The following KLHL13 variants were observed in gnomAD, a reference collection of about 807,000 sequenced individuals.
KLHL13 encodes the protein kelch like family member 13.
A neutral mutation model predicts 37.1 loss-of-function variants in KLHL13; 10 were observed. The observed-to-expected ratio is 0.27, with a 90% CI of 0.17 to 0.46. The LOEUF is 0.46. KLHL13 is among the 20% of genes least tolerant of loss of function. The pLI is 1.00. For missense variants in KLHL13, 360 were observed against 509.3 expected (o/e 0.71, Z 2.82); for synonymous variants, 163 against 181.2 (o/e 0.90, Z 0.81).
chrX:118,116,064 G>A lies in KLHL13; in HGVS notation c.-56+444C>T, dbSNP rs73637170. 8.0e-3 allele frequency among the ~76,000 whole-genome samples: 900 copies of A among 112,176 alleles called. 12 individuals carry two copies. Among genetic ancestry groups the A allele is most frequent in the African/African-American group, 0.028 (859 of 30,900 alleles). ...TCCTGACTTGGGAGCCAGCAGAGGA[G>A]CCTCCTAAGTTAGAAGATTCTGAAG... On this transcript the variant is annotated intron_variant, in intron 1 of 6. Transcript: ENST00000371882.
intron 2 of KLHL13, among the ~76,000 whole-genome samples, chrX:117,927,704 T>A (rs1450094108): frequency 8.9e-6 from 1 of 112,179 alleles, no homozygotes; most frequent in East Asian, 2.8e-4. Flanking sequence ...TAAAATATTA[T>A]ACTAAGTAAA....
chrX:118,115,395 G>A lies in KLHL13; in HGVS notation c.-56+1113C>T, dbSNP rs570740882. Among the ~76,000 whole-genome samples, 20 of 112,803 alleles carry A rather than the reference G, an allele frequency of 1.8e-4. No individual in the cohort carries two copies. The South Asian group carries it at 7.3e-3, about 41-fold the overall frequency. The stretch of plus-strand genomic sequence containing the variant: ...TGGGGAGAAAGCGATATCGCTAAGA[G>A]TGAGTAGTCTTTTTTGTAACTACGT... On this transcript the variant is annotated intron_variant, in intron 1 of 6. Transcript: ENST00000371882.
intron 4 of KLHL13, among the ~76,000 whole-genome samples, chrX:117,915,193 A>T (rs1329458644): frequency 2.7e-5 from 3 of 112,355 alleles, no homozygotes; most frequent in Non-Finnish European, 5.6e-5. Context: ...GTTAATCTTT[A>T]CGGGTAAATA....
chrX:118,061,154 T>A (rs2054736877), intron 1 of KLHL13, among the ~76,000 whole-genome samples: 2 of 111,921 alleles, frequency 1.8e-5, no homozygotes, highest in African/African-American at 3.2e-5. Flanking sequence ...TAAGTGTTTT[T>A]AAATCATAAA....
At chrX:118,091,118 G>A (rs1480213203) in intron 1 of KLHL13, among the ~76,000 whole-genome samples, 1 of 81,287 alleles carries the variant, frequency 1.2e-5, no homozygotes, top group Non-Finnish European at 2.3e-5. Context: ...TCACACTATG[G>A]GGCCTGTTGT....
chrX:118,001,077 A>G (rs192388372), intron 1 of KLHL13, among the ~76,000 whole-genome samples: 1 of 112,145 alleles, frequency 8.9e-6, no homozygotes, highest in Non-Finnish European at 1.9e-5. Context: ...GGTCCTTTGT[A>G]ATCAATAAAG....
At chrX:118,098,626 G>A (rs754443814) in intron 1 of KLHL13, among the ~76,000 whole-genome samples, 45 of 107,676 alleles carry the variant, frequency 4.2e-4, no homozygotes, top group South Asian at 1.3e-3. Flanking sequence ...ACATGCACAC[G>A]TATGTTTATA....
At chrX:117,972,781 T>C (rs1302387260) in exon 1 of KLHL13, 9 of 1,210,294 alleles carry the variant, frequency 7.4e-6, no homozygotes, top group Non-Finnish European at 8.9e-6. Context: ...GCACAGGAAC[T>C]GGGAATTTCC....
chrX:118,054,017 AG>A (rs1452423365), intron 1 of KLHL13, among the ~76,000 whole-genome samples: 2 of 111,390 alleles, frequency 1.8e-5, no homozygotes, highest in Non-Finnish European at 3.8e-5. Context: ...AGGAGAAAGA[AG>A]AAAAACGCTT....
chrX:118,037,688 T>C (rs2054465190), intron 1 of KLHL13, among the ~76,000 whole-genome samples: 1 of 111,350 alleles, frequency 9.0e-6, no homozygotes, highest in African/African-American at 3.3e-5. Context: ...GGCACATGTA[T>C]ACATATGTAA....
At position 118,027,656 on chromosome X, in the gene KLHL13, C is replaced by T. The variant is rs77063842; in HGVS notation, c.-55-82081G>A. Among the ~76,000 whole-genome samples the T allele has an allele frequency of 6.9e-3, 767 of 110,374 alleles. 12 individuals are homozygous for T. The highest frequency in any genetic ancestry group is 0.024 in the African/African-American group (725 of 30,327). Reference sequence around the variant, plus strand: ...TTCTCTCTCTCCACACATACACACACACACACACACACACACTTTCATACA... The same window carrying T: ...TTCTCTCTCTCCACACATACACACATACACACACACACACACTTTCATACA... On this transcript the variant is annotated intron_variant, in intron 1 of 6. Transcript: ENST00000371882.
At chrX:118,112,442 T>G (rs983255096) in intron 1 of KLHL13, among the ~76,000 whole-genome samples, 37 of 110,689 alleles carry the variant, frequency 3.3e-4, no homozygotes, top group African/African-American at 1.2e-3. Context: ...GGAGATCTAG[T>G]TCAATGGGGA....
intron 5 of KLHL13, among the ~76,000 whole-genome samples, chrX:117,906,954 T>G (rs1257939607): frequency 8.9e-6 from 1 of 111,747 alleles, no homozygotes; most frequent in African/African-American, 3.2e-5. Context: ...AATGGACCTA[T>G]ATTTACCATT....
intron 1 of KLHL13, among the ~76,000 whole-genome samples, chrX:118,038,806 G>A (rs1487043435): frequency 9.0e-6 from 1 of 111,690 alleles, no homozygotes; most frequent in Non-Finnish European, 1.9e-5. Context: ...ACATGACCCA[G>A]TGAGACACAA....
At chrX:118,004,726 T>C (rs1442091622) in intron 1 of KLHL13, among the ~76,000 whole-genome samples, 2 of 111,925 alleles carry the variant, frequency 1.8e-5, no homozygotes, top group Non-Finnish European at 3.8e-5. Context: ...ATACTATTAA[T>C]TAGAAATAAA....
chrX:118,076,620 C>T (rs951268336), intron 1 of KLHL13, among the ~76,000 whole-genome samples: 12 of 111,232 alleles, frequency 1.1e-4, no homozygotes, highest in Non-Finnish European at 7.6e-5. Flanking sequence ...TTATTCTAGA[C>T]GTTTCTGAGT....
chrX:118,048,783 C>T (rs915653215), intron 1 of KLHL13, among the ~76,000 whole-genome samples: 8 of 111,073 alleles, frequency 7.2e-5, no homozygotes, highest in African/African-American at 2.3e-4. Context: ...CTGGCCATGA[C>T]ACCCTCATGA....
intron 1 of KLHL13, among the ~76,000 whole-genome samples, chrX:118,075,560 A>C (rs2148121963): frequency 9.0e-6 from 1 of 111,697 alleles, no homozygotes; most frequent in East Asian, 2.8e-4. Flanking sequence ...CAGGAGTGAA[A>C]AGTGGGGAGG....
chrX:118,053,818 AG>A (rs1383815037), intron 1 of KLHL13, among the ~76,000 whole-genome samples: 10 of 33,222 alleles, frequency 3.0e-4, no homozygotes, highest in Middle Eastern at 0.016. Context: ...AGAGAGAGAG[AG>A]GAGAGGAGAG....
Sources: allele counts gnomAD v4.1 joint callset (sites outside exome capture counted in the v4.1 genomes callset), GRCh38; gene constraint gnomAD v4.1.1; transcripts MANE v1.5; gene names NCBI Gene and HGNC (gene_info 2026-07-23, HGNC 2026-07-21).